Variants in ATP2B2 observed in about 807,000 individuals in gnomAD.
ATP2B2 encodes the protein plasma membrane calcium-transporting ATPase 2.
A neutral mutation model predicts 120.0 loss-of-function variants in ATP2B2; 15 were observed. The ratio of observed to expected loss-of-function variants is 0.12; its 90% CI spans 0.08 to 0.19. The LOEUF (loss-of-function observed/expected upper bound fraction) is 0.19, where lower values mean the gene tolerates loss of function less well. Among genes scored for constraint, ATP2B2 ranks in the 10% least tolerant of loss-of-function variants. The pLI, the probability that ATP2B2 is intolerant of heterozygous loss-of-function variation, is 1.00. For missense variants in ATP2B2, 1,045 were observed against 1,719.8 expected (o/e 0.61, Z 6.94); for synonymous variants, 694 against 700.3 (o/e 0.99, Z 0.14).
chr3:10,359,861 G>A lies in ATP2B2; in HGVS notation c.1901+21C>T, dbSNP rs370370834. 64 of 1,614,076 alleles carry A rather than the reference G, an allele frequency of 4.0e-5. 1 individual carries two copies. Among genetic ancestry groups the A allele is most frequent in the African/African-American group, 2.4e-4 (18 of 75,042 alleles). The stretch of plus-strand genomic sequence containing the variant: ...GCACCAGGGCACAGCCCTCAGCCCC[G>A]GTGCCCTGCCCAGCGCTTACTTCTT... On this transcript the variant is annotated intron_variant, in intron 13 of 22. Transcript: ENST00000360273.
intron 3 of ATP2B2, among the ~76,000 whole-genome samples, chr3:10,522,631 C>T (rs889749403): frequency 6.6e-6 from 1 of 152,190 alleles, no homozygotes; most frequent in African/African-American, 2.4e-5. Context: ...GTGCTGAATC[C>T]CGAACAGGAG....
chr3:10,413,621 T>C (rs2062687569), intron 2 of ATP2B2, among the ~76,000 whole-genome samples: 1 of 152,146 alleles, frequency 6.6e-6, no homozygotes, highest in Admixed American at 6.5e-5. Flanking sequence ...ATCTGGGAGA[T>C]CCATGTACAG....
intron 1 of ATP2B2, among the ~76,000 whole-genome samples, chr3:10,480,794 T>C (rs540719551): frequency 6.6e-6 from 1 of 152,356 alleles, no homozygotes; most frequent in Admixed American, 6.5e-5. Context: ...CAACCCCTTC[T>C]GCACATGGCA....
rs545125142 is a variant in ATP2B2, at chr3:10,570,702, A to G, written c.-414-36569T>C. Among the ~76,000 whole-genome samples the G allele has an allele frequency of 3.7e-4, 56 of 152,332 alleles. No homozygotes were observed. In the South Asian group the frequency reaches 0.012, roughly 32 times the overall value. ...GGAAACCCCTCTGGCGTGTTGAGCA[A>G]TGACCTGGCACAAGTCAGTCCCTGC... On this transcript the variant is annotated intron_variant, in intron 2 of 21. Coordinates refer to the ATP2B2 transcript ENST00000646379.
At chr3:10,630,816 T>C (rs892428068) in intron 1 of ATP2B2, among the ~76,000 whole-genome samples, 71 of 122,234 alleles carry the variant, frequency 5.8e-4, no homozygotes, top group African/African-American at 2.3e-3. Context: ...AATTTGGCAA[T>C]GAGGAAAGCA....
intron 17 of ATP2B2, among the ~76,000 whole-genome samples, chr3:10,345,780 CT>C (rs1208433946): frequency 3.3e-5 from 5 of 152,188 alleles, no homozygotes; most frequent in African/African-American, 1.2e-4. Context: ...CCCTGGCCCC[CT>C]CTCCCCCTCT....
chr3:10,424,942 G>C (rs1337526537), intron 2 of ATP2B2, among the ~76,000 whole-genome samples: 1 of 152,174 alleles, frequency 6.6e-6, no homozygotes, highest in African/African-American at 2.4e-5. Flanking sequence ...CTGGGGAAGG[G>C]AAAGGGCACT....
intron 1 of ATP2B2, among the ~76,000 whole-genome samples, chr3:10,477,399 T>C (rs1271308183): frequency 6.6e-6 from 1 of 152,262 alleles, no homozygotes; most frequent in Non-Finnish European, 1.5e-5. Flanking sequence ...TAAGTCTACA[T>C]AACATGGGAT....
chr3:10,548,248 C>T (rs1434729765), intron 2 of ATP2B2, among the ~76,000 whole-genome samples: 5 of 152,234 alleles, frequency 3.3e-5, no homozygotes, highest in Admixed American at 6.5e-5. Flanking sequence ...TATATAGAAA[C>T]GAACCCACTT....
intron 1 of ATP2B2, among the ~76,000 whole-genome samples, chr3:10,627,420 C>A (rs527977782): frequency 2.6e-5 from 4 of 152,154 alleles, no homozygotes; most frequent in Non-Finnish European, 5.9e-5. Context: ...AATATGGAGG[C>A]CTGGACAAAC....
chr3:10,531,533 A>G (rs2125475306), intron 3 of ATP2B2, among the ~76,000 whole-genome samples: 1 of 152,348 alleles, frequency 6.6e-6, no homozygotes, highest in South Asian at 2.1e-4. Context: ...TAAAAATTTT[A>G]AAGCATTTAG....
At chr3:10,684,158 A>G (rs1484335349) in intron 1 of ATP2B2, among the ~76,000 whole-genome samples, 1 of 152,160 alleles carries the variant, frequency 6.6e-6, no homozygotes, top group Non-Finnish European at 1.5e-5. Flanking sequence ...GTGGTACTCA[A>G]TGATTGGTCT....
At chr3:10,627,737 T>C (rs1369721107) in intron 1 of ATP2B2, among the ~76,000 whole-genome samples, 1 of 152,208 alleles carries the variant, frequency 6.6e-6, no homozygotes, top group Non-Finnish European at 1.5e-5. Context: ...GCACCTACCA[T>C]GTGCCAGGCC....
intron 1 of ATP2B2, among the ~76,000 whole-genome samples, chr3:10,702,775 A>C (rs934262137): frequency 6.6e-6 from 1 of 152,220 alleles, no homozygotes; most frequent in African/African-American, 2.4e-5. Flanking sequence ...ACAGTGTCAC[A>C]GTATTTATAG....
intron 7 of ATP2B2, among the ~76,000 whole-genome samples, 168 bp from the exon 8 acceptor site, chr3:10,385,495 C>T (rs2061650775): frequency 1.3e-5 from 2 of 152,018 alleles, no homozygotes; most frequent in African/African-American, 4.8e-5. Context: ...TGAAATGTTC[C>T]ATAGAGATGC....
chr3:10,524,375 G>A (rs1252958855), intron 3 of ATP2B2, among the ~76,000 whole-genome samples: 1 of 152,172 alleles, frequency 6.6e-6, no homozygotes. Flanking sequence ...GTCCTGAGGC[G>A]AGTGCCATTG....
At chr3:10,338,822 C>A (rs1357596892) in intron 21 of ATP2B2, 2 of 219,604 alleles carry the variant, frequency 9.1e-6, no homozygotes, top group Admixed American at 1.1e-4. Flanking sequence ...ATGAGCCTGG[C>A]CCGTGGCTGG....
chr3:10,682,399 C>A (rs114832264), intron 1 of ATP2B2, among the ~76,000 whole-genome samples: 4,878 of 152,282 alleles, frequency 0.032, 238 homozygotes, highest in African/African-American at 0.11. Flanking sequence ...TTAGCTTGCA[C>A]CCCCAGCTCC....
intron 1 of ATP2B2, among the ~76,000 whole-genome samples, chr3:10,481,475 C>A (rs932025124): frequency 6.6e-6 from 1 of 152,128 alleles, no homozygotes; most frequent in African/African-American, 2.4e-5. Context: ...GAGCCCTGCC[C>A]TGAACACCCC....
Sources: allele counts gnomAD v4.1 joint callset (sites outside exome capture counted in the v4.1 genomes callset), GRCh38; gene constraint gnomAD v4.1.1; transcripts MANE v1.5; gene names NCBI Gene and HGNC (gene_info 2026-07-23, HGNC 2026-07-21).